ACTN1: variants seen among roughly 807,000 people sequenced by gnomAD.
ACTN1 encodes alpha-actinin-1.
ACTN1 carries 30 observed loss-of-function variants against 119.6 expected under a neutral mutation model. The observed-to-expected ratio is 0.25, with a 90% CI of 0.19 to 0.34. The LOEUF (loss-of-function observed/expected upper bound fraction) is 0.34, where lower values mean the gene tolerates loss of function less well. Ranked by LOEUF, ACTN1 falls within the 10% of genes least tolerant of loss-of-function variation. The pLI, the probability that ACTN1 is intolerant of heterozygous loss-of-function variation, is 1.00. For synonymous variants in ACTN1, 429 were observed against 472.6 expected, an observed-to-expected ratio of 0.91 and a Z score of 1.20; for missense variants, 764 against 1,223.4, an observed-to-expected ratio of 0.62 and a Z score of 5.60.
chr14:68,926,478 G>A (rs2034932623), intron 1 of ACTN1, among the ~76,000 whole-genome samples: 1 of 152,224 alleles, frequency 6.6e-6, no homozygotes, highest in Non-Finnish European at 1.5e-5. Context: ...AGTTTTACAT[G>A]TCCATCTAAA....
intron 3 of ACTN1, among the ~76,000 whole-genome samples, chr14:68,920,293 G>A (rs965487415): frequency 1.3e-5 from 2 of 152,126 alleles, no homozygotes; most frequent in Non-Finnish European, 2.9e-5. Flanking sequence ...AGTGAGATTC[G>A]TTCATCTTTA....
intron 8 of ACTN1, among the ~76,000 whole-genome samples, chr14:68,899,256 A>C (rs1456157480): frequency 1.8e-5 from 2 of 113,632 alleles, no homozygotes; most frequent in African/African-American, 7.1e-5. Context: ...CCCTTCACAC[A>C]CACACCCACA....
In ACTN1 at chr14:68,884,757, C is replaced by A; in HGVS notation, c.1494+18G>T. On this transcript the variant is annotated intron_variant, in intron 13 of 21. Coordinates refer to ENST00000394419, the MANE Select transcript of ACTN1 (RefSeq NM_001130004.2). Reference sequence around the variant, plus strand: ...GGCTGCCGGATATGGGCCTAGATCTCCCTCTGGGACCTCTCACCTCCAGAG... The same window carrying A: ...GGCTGCCGGATATGGGCCTAGATCTACCTCTGGGACCTCTCACCTCCAGAG... 1.3e-6 allele frequency: 2 copies of A among 1,589,790 alleles called. No individual in the cohort carries two copies. Among genetic ancestry groups the A allele is most frequent in the South Asian group, 2.2e-5 (2 of 90,574 alleles).
At chr14:68,887,113 C>T (rs973567802) in intron 11 of ACTN1, 3 of 173,284 alleles carry the variant, frequency 1.7e-5, no homozygotes, top group Non-Finnish European at 1.2e-5. Flanking sequence ...ATTCCAGTGA[C>T]TTTCCAGCTT....
intron 3 of ACTN1, among the ~76,000 whole-genome samples, chr14:68,917,643 A>G (rs950122206): frequency 3.9e-5 from 6 of 152,364 alleles, no homozygotes; most frequent in Middle Eastern, 3.4e-3. Flanking sequence ...TTCTTGGCTC[A>G]GCAGAGCGGC....
chr14:68,946,331 C>A (rs915571730), intron 1 of ACTN1, among the ~76,000 whole-genome samples: 5 of 152,128 alleles, frequency 3.3e-5, no homozygotes, highest in African/African-American at 1.2e-4. Context: ...ATGGACCAGG[C>A]CAACTTTGAG....
In ACTN1 at chr14:68,878,932, C is replaced by T. The variant is rs748910077; in HGVS notation, c.2361+57G>A. The stretch of plus-strand genomic sequence containing the variant: ...AGAGAGAAGAGAAAAAGGAAAAACG[C>T]ATTATTTCTTGCCCCAGACGCCACC... On this transcript the variant is annotated intron_variant, in intron 19 of 21. Transcript: ENST00000394419. The surrounding 1 kb of genome is among the most constrained non-coding windows in gnomAD (Gnocchi z 4.4). 26 of 1,611,220 alleles carry T rather than the reference C, an allele frequency of 1.6e-5. No individual in the cohort carries two copies. The highest frequency in any genetic ancestry group is 1.9e-5 in the Non-Finnish European group (23 of 1,179,514).
chr14:68,960,136 A>G (rs1215527876), intron 1 of ACTN1, among the ~76,000 whole-genome samples: 4 of 152,246 alleles, frequency 2.6e-5, no homozygotes, highest in Middle Eastern at 3.4e-3. Context: ...GGAGGAGAAG[A>G]AGGAGGACAG....
chr14:68,951,503 T>G (rs868096847), intron 1 of ACTN1, among the ~76,000 whole-genome samples: 1 of 152,170 alleles, frequency 6.6e-6, no homozygotes, highest in South Asian at 2.1e-4. Context: ...GAGGGATGCA[T>G]GGAAGCTCTG....
At position 68,933,587 on chromosome 14, in the gene ACTN1, G is replaced by T. The variant is rs138583553; in HGVS notation, c.106-7915C>A. Among the ~76,000 whole-genome samples, 1,037 of 152,326 alleles carry T rather than the reference G, an allele frequency of 6.8e-3. 13 individuals are homozygous for T. Among genetic ancestry groups the T allele is most frequent in the African/African-American group, 0.023 (975 of 41,558 alleles). On this transcript the variant is annotated intron_variant, in intron 1 of 21. Transcript: ENST00000394419. ...CAATGGCAACTAGAATACGGCCTCT[G>T]TATCACGGCAGGAGGTGGCCCGGGG... is the stretch of plus-strand genomic sequence containing the variant.
intron 1 of ACTN1, among the ~76,000 whole-genome samples, chr14:68,949,060 T>C (rs140083539): frequency 1.8e-4 from 28 of 152,244 alleles, no homozygotes; most frequent in African/African-American, 6.5e-4. Context: ...TAGCAAGAAA[T>C]AGAATTTTCC....
chr14:68,878,910 G>A lies in ACTN1; in HGVS notation c.2361+79C>T, dbSNP rs1455371624. ...GAGGGGGACAGGAGATCCAGACAGAGAGAAGAGAAAAAGGAAAAACGCATT... is the reference window on the plus strand; with the variant it reads ...GAGGGGGACAGGAGATCCAGACAGAAAGAAGAGAAAAAGGAAAAACGCATT... On this transcript the variant is annotated intron_variant, in intron 19 of 21. Transcript: ENST00000394419. This position sits in a 1 kb window ranked among gnomAD's most constrained non-coding sequence, Gnocchi z 4.4. 3.7e-6 allele frequency: 6 copies of A among 1,606,164 alleles called. No individual in the cohort carries two copies. Among genetic ancestry groups the A allele is most frequent in the Admixed American group, 1.7e-5 (1 of 59,946 alleles).
intron 1 of ACTN1, among the ~76,000 whole-genome samples, chr14:68,932,539 T>TTAA (rs71102619): frequency 8.5e-6 from 1 of 117,150 alleles, no homozygotes; most frequent in Non-Finnish European, 1.7e-5. Context: ...TTTTTTTTTT[T>TTAA]AATTTTTCTT....
rs796897756 is a variant in ACTN1 at position 68,920,917 on chromosome 14, T to A, written c.340+89A>T. 9.1e-6 allele frequency: 14 copies of A among 1,540,312 alleles called. No individual in the cohort carries two copies. The African/African-American group carries it at 1.9e-4, about 21-fold the overall frequency. ...CTGCCCAATGCCCCCAAGTGATGCATGGGCCCAGGAGGCAGCACAAAAAAG... is the reference window on the plus strand; with the variant it reads ...CTGCCCAATGCCCCCAAGTGATGCAAGGGCCCAGGAGGCAGCACAAAAAAG... On this transcript the variant is annotated intron_variant, in intron 3 of 21. Transcript: ENST00000394419.
In ACTN1 at chr14:68,879,942, G is replaced by A. The variant is rs866920843; in HGVS notation, c.2280+20C>T. 6.2e-7 allele frequency: 1 copy of A among 1,612,774 alleles called. No homozygotes were observed. Among genetic ancestry groups the A allele is most frequent in the Middle Eastern group, 1.7e-4 (1 of 6,048 alleles). On this transcript the variant is annotated intron_variant, in intron 18 of 21. Transcript: ENST00000394419. The surrounding 1 kb of genome is among the most constrained non-coding windows in gnomAD (Gnocchi z 4.9). ...AGGGGTTGGGGGCTGCACTAAGAAA[G>A]CACAGGATGGGGCTCTCACCCGGTC... is the stretch of plus-strand genomic sequence containing the variant.
intron 14 of ACTN1, 116 bp downstream of exon 14, chr14:68,884,052 T>G: frequency 9.1e-7 from 1 of 1,101,396 alleles, no homozygotes; most frequent in Non-Finnish European, 1.3e-6. Flanking sequence ...AGGTTCTGGG[T>G]CTATAAAATC....
intron 7 of ACTN1, among the ~76,000 whole-genome samples, chr14:68,903,706 G>A (rs1025214865): frequency 1.3e-5 from 2 of 152,158 alleles, no homozygotes; most frequent in African/African-American, 4.8e-5. Flanking sequence ...CTCCCAAGGG[G>A]CAAGCGCGGA....
chr14:68,904,538 T>C, intron 7 of ACTN1, 117 bp downstream of exon 7: 3 of 817,182 alleles, frequency 3.7e-6, no homozygotes, highest in Non-Finnish European at 6.1e-6. Context: ...TCAAATGCGG[T>C]CCCAGAAGAC....
chr14:68,946,098 C>T (rs907013634), intron 1 of ACTN1, among the ~76,000 whole-genome samples: 3 of 152,132 alleles, frequency 2.0e-5, no homozygotes, highest in Non-Finnish European at 2.9e-5. Context: ...TGACTCTCCC[C>T]AGGGCCTGGC....
Sources: gnomAD v4.1 joint callset for allele counts (sites outside exome capture counted in the v4.1 genomes callset) on GRCh38, gnomAD v4.1.1 for gene constraint, Gnocchi (gnomAD v3.1) non-coding constraint, MANE v1.5 for transcripts, NCBI Gene and HGNC (gene_info 2026-07-23, HGNC 2026-07-21) for gene names.